The following TACR3 variants were observed in gnomAD, a reference collection of about 807,000 sequenced individuals.
The protein encoded by TACR3 is tachykinin receptor 3, also known as neuromedin-K receptor.
A neutral mutation model predicts 35.0 loss-of-function variants in TACR3; 34 were observed. That is an observed-to-expected ratio of 0.97 (90% CI 0.74 to 1.30). The LOEUF (loss-of-function observed/expected upper bound fraction) is 1.30. Among genes scored for constraint, TACR3 ranks in the 50% most tolerant of loss-of-function variants. The pLI, the probability that TACR3 is intolerant of heterozygous loss-of-function variation, is 0.00. For synonymous variants in TACR3, 233 were observed against 221.1 expected (o/e 1.05, Z -0.48); for missense variants, 558 against 591.7 (o/e 0.94, Z 0.59).
At chr4:103,679,227 T>C (rs1034995050) in intron 1 of TACR3, among the ~76,000 whole-genome samples, 16 of 152,068 alleles carry the variant, frequency 1.1e-4, no homozygotes, top group African/African-American at 3.6e-4. Context: ...AAGCCAATCA[T>C]AATCCTGAAT....
intron 1 of TACR3, among the ~76,000 whole-genome samples, chr4:103,698,812 C>A (rs572081856): frequency 6.8e-6 from 1 of 146,436 alleles, no homozygotes; most frequent in East Asian, 2.4e-4. Flanking sequence ...GTTCCTAACA[C>A]AAAGAAAATG....
intron 1 of TACR3, among the ~76,000 whole-genome samples, chr4:103,663,536 A>C (rs1725878553): frequency 6.8e-6 from 1 of 147,558 alleles, no homozygotes; most frequent in African/African-American, 2.7e-5. Flanking sequence ...GAAGCAGGGA[A>C]GTAAGTTATC....
intron 1 of TACR3, among the ~76,000 whole-genome samples, chr4:103,668,848 C>A (rs866396190): frequency 0.01 from 1,102 of 106,696 alleles, no homozygotes; most frequent in African/African-American, 9.8e-3. Context: ...GACTCTGTCT[C>A]AAAAAAAAAA....
chr4:103,657,780 A>G (rs532460758), intron 2 of TACR3, among the ~76,000 whole-genome samples: 27 of 152,174 alleles, frequency 1.8e-4, no homozygotes, highest in African/African-American at 6.5e-4. Context: ...GAGACAAGCA[A>G]AAGAACACAA....
At chr4:103,695,088 T>C (rs1432267519) in intron 1 of TACR3, among the ~76,000 whole-genome samples, 1 of 152,194 alleles carries the variant, frequency 6.6e-6, no homozygotes, top group Non-Finnish European at 1.5e-5. Flanking sequence ...TTTAGACAAT[T>C]AATAATTTAA....
At chr4:103,694,153 A>G (rs971476092) in intron 1 of TACR3, among the ~76,000 whole-genome samples, 3 of 151,950 alleles carry the variant, frequency 2.0e-5, no homozygotes, top group Non-Finnish European at 4.4e-5. Flanking sequence ...GTCTTAAAAT[A>G]TAGCTTGAAG....
In TACR3 at chr4:103,611,682, G is replaced by C. The variant is rs888315533; in HGVS notation, c.889-19999C>G. The stretch of plus-strand genomic sequence containing the variant: ...TTTTTTAACACAGACATGGCATCAA[G>C]AAGTAGAGGAGAATGATTCTGGAGC... On this transcript the variant is annotated intron_variant, in intron 3 of 4. Transcript: ENST00000304883. Among the ~76,000 whole-genome samples, 3 of 151,956 alleles carry C rather than the reference G, an allele frequency of 2.0e-5. 1 individual carries two copies. Among genetic ancestry groups the C allele is most frequent in the Admixed American group, 1.3e-4 (2 of 15,238 alleles).
At chr4:103,611,286 C>T (rs1724505790) in intron 3 of TACR3, among the ~76,000 whole-genome samples, 1 of 152,084 alleles carries the variant, frequency 6.6e-6, no homozygotes, top group Non-Finnish European at 1.5e-5. Flanking sequence ...TTAGTGTCCT[C>T]TTTAGTTGCT....
At chr4:103,695,424 G>C (rs544671620) in intron 1 of TACR3, among the ~76,000 whole-genome samples, 1 of 152,036 alleles carries the variant, frequency 6.6e-6, no homozygotes, top group South Asian at 2.1e-4. Context: ...AGACCTGTAT[G>C]ATGATCCACT....
intron 3 of TACR3, among the ~76,000 whole-genome samples, chr4:103,602,330 A>G (rs1167066573): frequency 6.6e-6 from 1 of 151,780 alleles, no homozygotes; most frequent in Non-Finnish European, 1.5e-5. Context: ...CATTGGTTTG[A>G]ATTTCTCCTG....
At chr4:103,705,065 G>A (rs1722753814) in intron 1 of TACR3, among the ~76,000 whole-genome samples, 1 of 151,592 alleles carries the variant, frequency 6.6e-6, no homozygotes, top group African/African-American at 2.4e-5. Context: ...TTGCATTTTG[G>A]TTTGAAAACT....
At chr4:103,591,445 T>C (rs527975014) in intron 4 of TACR3, 42 bp downstream of exon 4, 2 of 1,602,376 alleles carry the variant, frequency 1.2e-6, no homozygotes, top group South Asian at 1.1e-5. Flanking sequence ...CCAGTGAAGG[T>C]GGGTGTGACA....
intron 3 of TACR3, among the ~76,000 whole-genome samples, chr4:103,654,564 G>A (rs188201876): frequency 1.1e-5 from 1 of 94,460 alleles, no homozygotes; most frequent in Non-Finnish European, 2.0e-5. Flanking sequence ...GGGGAGGGGG[G>A]AGGGATAGCA....
At chr4:103,676,123 G>T (rs890791997) in intron 1 of TACR3, among the ~76,000 whole-genome samples, 4 of 152,128 alleles carry the variant, frequency 2.6e-5, no homozygotes, top group Admixed American at 6.6e-5. Context: ...AGAGGAAAAA[G>T]ATACTGATTT....
intron 1 of TACR3, among the ~76,000 whole-genome samples, chr4:103,711,081 C>T (rs894258350): frequency 1.3e-5 from 2 of 152,274 alleles, no homozygotes; most frequent in African/African-American, 4.8e-5. Flanking sequence ...GAGCTGGTAC[C>T]ATTCCTTATG....
At chr4:103,651,982 T>C (rs1560822714) in intron 3 of TACR3, among the ~76,000 whole-genome samples, 1 of 152,080 alleles carries the variant, frequency 6.6e-6, no homozygotes, top group Non-Finnish European at 1.5e-5. Flanking sequence ...CAGTCTTCTT[T>C]ACTCTTTCCT....
chr4:103,612,983 A>G (rs1724545047), intron 3 of TACR3, among the ~76,000 whole-genome samples: 1 of 152,218 alleles, frequency 6.6e-6, no homozygotes, highest in South Asian at 2.1e-4. Context: ...CCTAGATAAA[A>G]AACAGCTTAA....
At chr4:103,612,110 T>C (rs1366098884) in intron 3 of TACR3, among the ~76,000 whole-genome samples, 1 of 152,190 alleles carries the variant, frequency 6.6e-6, no homozygotes, top group Non-Finnish European at 1.5e-5. Flanking sequence ...GAAATAAAAC[T>C]GAACATTCAA....
intron 3 of TACR3, among the ~76,000 whole-genome samples, chr4:103,648,220 T>C (rs1263468785): frequency 6.6e-6 from 1 of 152,030 alleles, no homozygotes; most frequent in Non-Finnish European, 1.5e-5. Context: ...ATGAGTTCCA[T>C]GAGATATTTT....
Sources: allele counts gnomAD v4.1 joint callset (sites outside exome capture counted in the v4.1 genomes callset), GRCh38; gene constraint gnomAD v4.1.1; transcripts MANE v1.5; gene names NCBI Gene and HGNC (gene_info 2026-07-23, HGNC 2026-07-21).